Variants in SIK2 observed in about 807,000 individuals in gnomAD.
SIK2 encodes the protein serine/threonine-protein kinase SIK2.
In SIK2, 29 loss-of-function variants were observed where a neutral mutation model predicts 103.2. The ratio of observed to expected loss-of-function variants is 0.28; its 90% CI spans 0.21 to 0.38. SIK2 has a LOEUF of 0.38. SIK2 is among the 10% of genes least tolerant of loss of function. SIK2 has a pLI of 1.00. For synonymous variants in SIK2, 412 were observed against 446.1 expected (o/e 0.92, Z 0.96); for missense variants, 879 against 1,171.0 (o/e 0.75, Z 3.64).
At position 111,720,483 on chromosome 11, in the gene SIK2, A is replaced by G; in HGVS notation, c.1501A>G (p.Ile501Val). 3 of 1,596,754 alleles carry G rather than the reference A, an allele frequency of 1.9e-6. No homozygotes were observed. ...QLVVMPGAGK[I>V]FSMNDSPSLD... ...TGTTCTGTTTTCTCTTAAAGGGAAA[A>G]TTTTCTCCATGAATGACAGCCCCTC... is the stretch of plus-strand genomic sequence containing the variant. The change falls in exon 11 of 15, where the codon ATT becomes GTT. Residue 501 changes from isoleucine to valine, a missense_variant. Physicochemically the swap from Ile to Val is conservative, Grantham distance 29. This residue lies in a region of SIK2 where 222 missense variants were observed against 258.0 expected (regional missense o/e 0.86). Transcript: ENST00000304987.
At chr11:111,651,676 C>G (rs1942328292) in intron 3 of SIK2, among the ~76,000 whole-genome samples, 1 of 152,160 alleles carries the variant, frequency 6.6e-6, no homozygotes. Context: ...ACGTGTATCC[C>G]AGAACTTAAT....
intron 3 of SIK2, among the ~76,000 whole-genome samples, chr11:111,647,538 GT>G (rs1200142884): frequency 2.7e-5 from 4 of 146,270 alleles, no homozygotes; most frequent in Non-Finnish European, 6.0e-5. Context: ...TCTAGCCTGG[GT>G]GGCAGAGGGA....
chr11:111,699,586 A>G (rs186714218), intron 4 of SIK2, among the ~76,000 whole-genome samples: 94 of 152,318 alleles, frequency 6.2e-4, no homozygotes, highest in Admixed American at 1.3e-3. Context: ...TCATAACTTC[A>G]TAGGTTGTAC....
chr11:111,662,903 T>A (rs1942486132), intron 3 of SIK2, among the ~76,000 whole-genome samples: 1 of 149,386 alleles, frequency 6.7e-6, no homozygotes, highest in African/African-American at 2.5e-5. Context: ...AAAATATTTT[T>A]AAAATAGCAA....
intron 3 of SIK2, among the ~76,000 whole-genome samples, chr11:111,654,165 A>C (rs555118426): frequency 6.6e-6 from 1 of 152,326 alleles, no homozygotes; most frequent in South Asian, 2.1e-4. Flanking sequence ...TTGTTTTTTC[A>C]ATTTTTAATA....
chr11:111,713,591 G>T (rs1943559394), intron 9 of SIK2, among the ~76,000 whole-genome samples: 1 of 152,148 alleles, frequency 6.6e-6, no homozygotes, highest in Non-Finnish European at 1.5e-5. Context: ...CATGAACTCT[G>T]CCTCTCCAGA....
chr11:111,645,716 A>G (rs777354452), intron 3 of SIK2, among the ~76,000 whole-genome samples: 2 of 151,594 alleles, frequency 1.3e-5, no homozygotes, highest in Non-Finnish European at 2.9e-5. Context: ...TTGAGAGGCT[A>G]AGGGAGGAGA....
intron 4 of SIK2, among the ~76,000 whole-genome samples, chr11:111,694,675 T>C (rs557714387): frequency 2.0e-5 from 3 of 152,336 alleles, no homozygotes; most frequent in East Asian, 1.9e-4. Context: ...CCACTAGCAT[T>C]ACGTAAAAAG....
At chr11:111,648,937 G>A (rs1468476583) in intron 3 of SIK2, among the ~76,000 whole-genome samples, 1 of 152,030 alleles carries the variant, frequency 6.6e-6, no homozygotes, top group Non-Finnish European at 1.5e-5. Flanking sequence ...GGAAGCTAAG[G>A]CAAGTGTGTC....
At chr11:111,718,850 A>G (rs1236201536) in intron 9 of SIK2, 4 of 152,150 alleles carry the variant, frequency 2.6e-5, no homozygotes, top group African/African-American at 9.7e-5. Flanking sequence ...TCCACGGGGG[A>G]ATAGTTAAGG....
chr11:111,705,535 C>A lies in SIK2; in HGVS notation c.1101+396C>A, dbSNP rs1591632514. Among the ~76,000 whole-genome samples, 1 of 152,084 alleles carries A rather than the reference C, an allele frequency of 6.6e-6. No homozygotes were observed. Among genetic ancestry groups the A allele is most frequent in the Non-Finnish European group, 1.5e-5 (1 of 68,026 alleles). ...CTATAAAAATGAAATAAGACAAGAT[C>A]ATAAACAACCATCATTCAAAATAGG... On this transcript the variant is annotated intron_variant, in intron 8 of 14. Transcript: ENST00000304987. This position sits in a 1 kb window ranked among gnomAD's most constrained non-coding sequence, Gnocchi z 4.3.
intron 3 of SIK2, among the ~76,000 whole-genome samples, chr11:111,631,906 G>A (rs1409936889): frequency 2.0e-5 from 3 of 152,140 alleles, no homozygotes; most frequent in Non-Finnish European, 2.9e-5. Flanking sequence ...TACGGTGTGT[G>A]ATTCATGCAT....
At chr11:111,719,746 C>G (rs1943746365) in intron 9 of SIK2, 29 bp from the exon 10 acceptor site, 4 of 1,597,016 alleles carry the variant, frequency 2.5e-6, no homozygotes, top group Non-Finnish European at 3.4e-6. Flanking sequence ...AGTGCAGAAA[C>G]TGAGTTTCCT....
In SIK2 at chr11:111,622,515, A is replaced by G. The variant is rs550323382; in HGVS notation, c.316+2113A>G. 4.6e-5 allele frequency among the ~76,000 whole-genome samples: 7 copies of G among 151,884 alleles called. 1 individual carries two copies. Among genetic ancestry groups the G allele is most frequent in the African/African-American group, 1.7e-4 (7 of 41,466 alleles). On this transcript the variant is annotated intron_variant, in intron 3 of 14. Coordinates refer to ENST00000304987, the MANE Select transcript of SIK2 (RefSeq NM_015191.3). ...GTGATCCGCCCGCCTCAGCCTCCCA[A>G]AGTGCTGGGATTACAGGCGTGAGCC...
intron 3 of SIK2, among the ~76,000 whole-genome samples, chr11:111,628,630 A>T (rs529121232): frequency 6.6e-6 from 1 of 151,864 alleles, no homozygotes; most frequent in Admixed American, 6.6e-5. Context: ...TCTTGCCATG[A>T]TGCCCAGGCT....
At chr11:111,673,205 A>G (rs1029419734) in intron 3 of SIK2, among the ~76,000 whole-genome samples, 2 of 152,252 alleles carry the variant, frequency 1.3e-5, no homozygotes, top group African/African-American at 4.8e-5. Flanking sequence ...TCTGTTAGTC[A>G]GAGTCATTAT....
At chr11:111,656,746 G>C (rs927981656) in intron 3 of SIK2, among the ~76,000 whole-genome samples, 3 of 152,110 alleles carry the variant, frequency 2.0e-5, no homozygotes, top group African/African-American at 7.2e-5. Flanking sequence ...TTATGCTATG[G>C]AATTCTTACC....
At chr11:111,651,604 C>A (rs907780391) in intron 3 of SIK2, among the ~76,000 whole-genome samples, 1 of 152,096 alleles carries the variant, frequency 6.6e-6, no homozygotes, top group Non-Finnish European at 1.5e-5. Flanking sequence ...GGTGATGAGT[C>A]GGTAGGTGTG....
intron 4 of SIK2, among the ~76,000 whole-genome samples, chr11:111,700,328 G>C (rs1003230358): frequency 6.6e-6 from 1 of 152,178 alleles, no homozygotes; most frequent in African/African-American, 2.4e-5. Context: ...ATATGTTAAT[G>C]AGCTATTCAG....
Sources: gnomAD v4.1 joint callset for allele counts (sites outside exome capture counted in the v4.1 genomes callset) on GRCh38, gnomAD v4.1.1 for gene constraint, gnomAD v4.1.1 regional missense constraint, Gnocchi (gnomAD v3.1) non-coding constraint, MANE v1.5 for transcripts, NCBI Gene and HGNC (gene_info 2026-07-23, HGNC 2026-07-21) for gene names.